The following COL4A3 variants were observed in gnomAD, a reference collection of about 807,000 sequenced individuals.
COL4A3 encodes collagen type IV alpha 3 chain, also known as collagen alpha-3(IV) chain.
COL4A3 carries 135 observed loss-of-function variants against 217.4 expected under a neutral mutation model. The observed-to-expected ratio is 0.62, with a 90% CI of 0.54 to 0.72. The LOEUF (loss-of-function observed/expected upper bound fraction) is 0.72, where lower values mean the gene tolerates loss of function less well. Among genes scored for constraint, COL4A3 ranks in the 30% least tolerant of loss-of-function variants. The pLI is 0.00. For missense variants in COL4A3, 1,868 were observed against 2,119.9 expected (o/e 0.88, Z 2.33); for synonymous variants, 690 against 736.3 (o/e 0.94, Z 1.02).
Position 227,282,344 on chromosome 2 carries a change from C to A in COL4A3, c.2489-21C>A, listed in dbSNP as rs374679454. On this transcript the variant is annotated intron_variant, in intron 31 of 51. Coordinates refer to ENST00000396578, the MANE Select transcript of COL4A3 (RefSeq NM_000091.5). The surrounding 1 kb of genome is among the most constrained non-coding windows in gnomAD (Gnocchi z 4.4). ...GAAAGCATTTGTGGGTTAATTAATT[C>A]ATTCATTTATTCGTACACAGGCAGA... is the stretch of plus-strand genomic sequence containing the variant. The A allele has an allele frequency of 4.1e-5, 66 of 1,596,168 alleles. No homozygotes were observed. Among genetic ancestry groups the A allele is most frequent in the African/African-American group, 5.5e-5 (4 of 72,716 alleles).
rs182358846 is a variant in COL4A3 at position 227,196,143 on chromosome 2, T to G, written c.87+31330T>G. 6.9e-3 allele frequency among the ~76,000 whole-genome samples: 1,055 copies of G among 152,108 alleles called. 13 individuals carry two copies. Among genetic ancestry groups the G allele is most frequent in the African/African-American group, 0.024 (1,007 of 41,470 alleles). On this transcript the variant is annotated intron_variant, in intron 1 of 51. Coordinates refer to ENST00000396578, the MANE Select transcript of COL4A3 (RefSeq NM_000091.5). ...TTTATTATTGAAGGGAGAAAATTAG[T>G]TTTTATAAATGTAGGGTAGCCTAAA...
chr2:227,227,225 G>A (rs1386992968), intron 1 of COL4A3, among the ~76,000 whole-genome samples: 1 of 152,162 alleles, frequency 6.6e-6, no homozygotes, highest in East Asian at 1.9e-4. Flanking sequence ...CCCATCATGA[G>A]GGGCACAGTG....
intron 1 of COL4A3, among the ~76,000 whole-genome samples, chr2:227,202,760 T>C (rs775791706): frequency 2.2e-5 from 3 of 137,040 alleles, no homozygotes; most frequent in African/African-American, 5.3e-5. Context: ...TATATATATA[T>C]ATATATATAT....
intron 38 of COL4A3, chr2:227,294,018 A>G (rs1267910808): frequency 6.4e-6 from 2 of 313,352 alleles, no homozygotes; most frequent in African/African-American, 2.2e-5. Flanking sequence ...GGACAACACA[A>G]TTCAAACTAC....
Position 227,244,954 on chromosome 2 carries a change from A to G in COL4A3, c.283A>G (p.Ile95Val). 5.0e-6 allele frequency: 8 copies of G among 1,613,238 alleles called. No homozygotes were observed. Among genetic ancestry groups the G allele is most frequent in the Non-Finnish European group, 6.8e-6 (8 of 1,179,500 alleles). ...CTCCTTTTTCCTATGTCTTCAGGGA[A>G]TAAGTGGATTGCCAGGATTTTCTGG... ...GLTGSKGVRG[I>V]SGLPGFSGSP... The change falls in exon 5 of 52, where the codon ATA (isoleucine) becomes GTA (valine). Residue 95 changes from isoleucine to valine, a missense_variant. This residue lies in a region of COL4A3 where 365 missense variants were observed against 333.8 expected (regional missense o/e 1.09). Transcript: ENST00000396578.
rs538820746 is a variant in COL4A3, at chr2:227,313,121, C to T, written c.*1251C>T. 1.3e-5 allele frequency: 2 copies of T among 152,494 alleles called. No individual in the cohort carries two copies. The highest frequency in any genetic ancestry group is 2.4e-5 in the African/African-American group (1 of 41,408). 9.4% of individuals were successfully genotyped at this position (152,494 alleles called of 1,614,324 possible). A position where few individuals can be genotyped will look rare whatever the true frequency, so the allele number is the denominator to read the frequency against. On this transcript the variant is annotated 3_prime_UTR_variant, in exon 52 of 52. Transcript: ENST00000396578. ...ACTTAACTATCATCTTATTCAGCACCAAGCATGTCCCAGGCACTGTACTAA... is the reference window on the plus strand; with the variant it reads ...ACTTAACTATCATCTTATTCAGCACTAAGCATGTCCCAGGCACTGTACTAA...
intron 21 of COL4A3, chr2:227,265,221 T>C (rs1040548168): frequency 2.0e-5 from 3 of 152,238 alleles, no homozygotes; most frequent in African/African-American, 4.8e-5. Context: ...AATGTAGAAG[T>C]ATTCATATAA....
chr2:227,203,008 C>T (rs1417288880), intron 1 of COL4A3, among the ~76,000 whole-genome samples: 56 of 23,128 alleles, frequency 2.4e-3, no homozygotes, highest in South Asian at 3.9e-3. Context: ...TGTATATATA[C>T]ATATATGTGT....
Position 227,253,422 on chromosome 2 carries a change from A to C in COL4A3, c.687+85A>C. 6.6e-7 allele frequency: 1 copy of C among 1,503,928 alleles called. No homozygotes were observed. The highest frequency in any genetic ancestry group is 9.3e-7 in the Non-Finnish European group (1 of 1,079,358). The allele number at this position is 1,503,928 out of a possible 1,614,324, so 93.2% of individuals were successfully genotyped here. ...GCCTATACCGTTTACTTACGGGCCA[A>C]GCTGAAATTGATGGGCCTTCATTTG... is the stretch of plus-strand genomic sequence containing the variant. On this transcript the variant is annotated intron_variant, in intron 12 of 51. Coordinates refer to ENST00000396578, the MANE Select transcript of COL4A3 (RefSeq NM_000091.5). The surrounding 1 kb of genome is among the most constrained non-coding windows in gnomAD (Gnocchi z 4.4).
Position 227,250,208 on chromosome 2 carries a change from G to A in COL4A3, c.547-932G>A, listed in dbSNP as rs1323730037. On this transcript the variant is annotated intron_variant, in intron 9 of 51. Transcript: ENST00000396578. This position sits in a 1 kb window ranked among gnomAD's most constrained non-coding sequence, Gnocchi z 4.1. ...TGCGCCTGTAGTTCCAGCTACTTGG[G>A]AGGCTGAGGCAGGAGAATCACTTGA... is the stretch of plus-strand genomic sequence containing the variant. Among the ~76,000 whole-genome samples, 1 of 152,108 alleles carries A rather than the reference G, an allele frequency of 6.6e-6. No individual in the cohort carries two copies. The highest frequency in any genetic ancestry group is 2.4e-5 in the African/African-American group (1 of 41,414).
At chr2:227,261,164 G>A (rs1326360997) in intron 20 of COL4A3, 47 bp downstream of exon 20, 1 of 1,449,220 alleles carries the variant, frequency 6.9e-7, no homozygotes, top group Non-Finnish European at 9.7e-7. Context: ...TATTACAAAG[G>A]AAAATAAGCT....
At position 227,304,216 on chromosome 2, in the gene COL4A3, A is replaced by G. The variant is rs912186048; in HGVS notation, c.4153+72A>G. 10 of 1,581,114 alleles carry G rather than the reference A, an allele frequency of 6.3e-6. No homozygotes were observed. The South Asian group carries it at 1.0e-4, about 16-fold the overall frequency. On this transcript the variant is annotated intron_variant, in intron 46 of 51. Coordinates refer to ENST00000396578, the MANE Select transcript of COL4A3 (RefSeq NM_000091.5). ...CCAAAATACCTGTAAACTGCTTTGGAAACAGCTGATACAACTTCACAGAAA... is the reference window on the plus strand; with the variant it reads ...CCAAAATACCTGTAAACTGCTTTGGGAACAGCTGATACAACTTCACAGAAA...
chr2:227,193,267 A>T (rs1023145575), intron 1 of COL4A3, among the ~76,000 whole-genome samples: 2 of 152,232 alleles, frequency 1.3e-5, no homozygotes, highest in African/African-American at 4.8e-5. Context: ...AAGAATCAAA[A>T]TCTGTTTACA....
intron 18 of COL4A3, among the ~76,000 whole-genome samples, chr2:227,258,888 A>G (rs556271563): frequency 6.6e-6 from 1 of 152,266 alleles, no homozygotes; most frequent in African/African-American, 2.4e-5. Flanking sequence ...GGACATTATT[A>G]TGTTATATTA....
chr2:227,261,885 G>A (rs935208291), intron 20 of COL4A3, among the ~76,000 whole-genome samples: 1 of 152,180 alleles, frequency 6.6e-6, no homozygotes, highest in Non-Finnish European at 1.5e-5. Flanking sequence ...CCTTTTGAGA[G>A]AGGAAAAAGA....
chr2:227,202,851 G>A (rs1446719190), intron 1 of COL4A3, among the ~76,000 whole-genome samples: 2 of 38,800 alleles, frequency 5.2e-5, no homozygotes, highest in Admixed American at 2.9e-4. Flanking sequence ...ATATACATAT[G>A]TGTATATATA....
chr2:227,277,929 A>G (rs1252775674), intron 28 of COL4A3, among the ~76,000 whole-genome samples: 1 of 152,162 alleles, frequency 6.6e-6, no homozygotes, highest in African/African-American at 2.4e-5. Context: ...TCAAAAAAAA[A>G]AATGTTTTCC....
chr2:227,181,309 G>A (rs1013320205), intron 1 of COL4A3, among the ~76,000 whole-genome samples: 14 of 152,072 alleles, frequency 9.2e-5, no homozygotes, highest in South Asian at 2.1e-4. Flanking sequence ...CATCAGGGTC[G>A]GCAGTATAAA....
At chr2:227,294,687 C>A in intron 39 of COL4A3, 117 bp downstream of exon 39, 3 of 836,542 alleles carry the variant, frequency 3.6e-6, no homozygotes, top group South Asian at 3.0e-5. Flanking sequence ...TACTCAGTAT[C>A]CAGACAAAAA....
Sources: allele counts gnomAD v4.1 joint callset (sites outside exome capture counted in the v4.1 genomes callset), GRCh38; gene constraint gnomAD v4.1.1; regional missense constraint gnomAD v4.1.1; non-coding constraint Gnocchi (gnomAD v3.1); transcripts MANE v1.5; gene names NCBI Gene and HGNC (gene_info 2026-07-23, HGNC 2026-07-21).